MECOM: variants seen among roughly 807,000 people sequenced by gnomAD.
The protein encoded by MECOM is histone-lysine N-methyltransferase MECOM.
MECOM carries 13 observed loss-of-function variants against 116.3 expected under a neutral mutation model. That is an observed-to-expected ratio of 0.11 (90% CI 0.07 to 0.18). The LOEUF (loss-of-function observed/expected upper bound fraction) is 0.18. Ranked by LOEUF, MECOM falls within the 10% of genes least tolerant of loss-of-function variation. The pLI is 1.00. For synonymous variants in MECOM, 528 were observed against 535.2 expected, an observed-to-expected ratio of 0.99 and a Z score of 0.19; for missense variants, 1,299 against 1,509.0, an observed-to-expected ratio of 0.86 and a Z score of 2.31.
At position 169,471,526 on chromosome 3, in the gene MECOM, C is replaced by T. The variant is rs186704319; in HGVS notation, c.38-90002G>A. 1.2e-3 allele frequency among the ~76,000 whole-genome samples: 178 copies of T among 152,266 alleles called. 1 individual carries two copies. The highest frequency in any genetic ancestry group is 1.7e-3 in the African/African-American group (72 of 41,554). On this transcript the variant is annotated intron_variant, in intron 1 of 16. Transcript: ENST00000651503. ...AGTGAAACTTCTCAGAAAAGTCACACGCTCTTTGGGCTTTATATCCAGGAA... is the reference window on the plus strand; with the variant it reads ...AGTGAAACTTCTCAGAAAAGTCACATGCTCTTTGGGCTTTATATCCAGGAA...
At chr3:169,606,774 A>T (rs1768630723) in intron 1 of MECOM, among the ~76,000 whole-genome samples, 2 of 152,136 alleles carry the variant, frequency 1.3e-5, no homozygotes, top group African/African-American at 4.8e-5. Context: ...ACTACCATCC[A>T]TCTACTTTCC....
chr3:169,212,202 A>C (rs1750811972), intron 2 of MECOM, among the ~76,000 whole-genome samples: 1 of 151,926 alleles, frequency 6.6e-6, no homozygotes, highest in Non-Finnish European at 1.5e-5. Flanking sequence ...ACTTCTCAAA[A>C]TGATCGCTTA....
intron 2 of MECOM, among the ~76,000 whole-genome samples, chr3:169,372,816 T>A (rs1730367460): frequency 6.6e-6 from 1 of 151,892 alleles, no homozygotes; most frequent in Non-Finnish European, 1.5e-5. Flanking sequence ...TATTCCTACG[T>A]GACATGTAAA....
chr3:169,514,317 G>A (rs1007039903), intron 1 of MECOM, among the ~76,000 whole-genome samples: 1 of 151,878 alleles, frequency 6.6e-6, no homozygotes, highest in Non-Finnish European at 1.5e-5. Context: ...AAAAGAGAGA[G>A]AGAGACATCG....
At chr3:169,408,355 T>A (rs1297051393) in intron 1 of MECOM, among the ~76,000 whole-genome samples, 1 of 152,214 alleles carries the variant, frequency 6.6e-6, no homozygotes, top group Non-Finnish European at 1.5e-5. Context: ...ATAGGCAGGA[T>A]AATCAATCGA....
chr3:169,379,901 CT>C (rs1732111900), intron 2 of MECOM, among the ~76,000 whole-genome samples: 1 of 152,140 alleles, frequency 6.6e-6, no homozygotes. Flanking sequence ...TAAAAACTCT[CT>C]TATCAGTACA....
At chr3:169,215,016 C>T (rs903643897) in intron 2 of MECOM, among the ~76,000 whole-genome samples, 1 of 150,492 alleles carries the variant, frequency 6.6e-6, no homozygotes, top group African/African-American at 2.4e-5. Flanking sequence ...CCAGGCTTTT[C>T]TTATAGGGCT....
chr3:169,310,831 G>T (rs1369870784), intron 2 of MECOM, among the ~76,000 whole-genome samples: 2 of 152,150 alleles, frequency 1.3e-5, no homozygotes, highest in African/African-American at 2.4e-5. Flanking sequence ...CTCACAGCTT[G>T]TCTTCTTAAA....
intron 1 of MECOM, among the ~76,000 whole-genome samples, chr3:169,608,724 C>T (rs1434467061): frequency 1.3e-5 from 2 of 152,138 alleles, no homozygotes; most frequent in Non-Finnish European, 2.9e-5. Context: ...GGCTCACGTT[C>T]TGTTAAAGTA....
chr3:169,442,242 G>A (rs570053432), intron 1 of MECOM, among the ~76,000 whole-genome samples: 1 of 152,038 alleles, frequency 6.6e-6, no homozygotes, highest in Non-Finnish European at 1.5e-5. Context: ...TGTATTTTTA[G>A]TAGAGACGGG....
chr3:169,404,720 G>T (rs557162619), intron 1 of MECOM, among the ~76,000 whole-genome samples: 1 of 152,124 alleles, frequency 6.6e-6, no homozygotes, highest in Non-Finnish European at 1.5e-5. Flanking sequence ...TGGCCACCCC[G>T]CCGGCCTGGT....
chr3:169,312,077 C>CT (rs1718880991), intron 2 of MECOM, among the ~76,000 whole-genome samples: 1 of 152,100 alleles, frequency 6.6e-6, no homozygotes, highest in Admixed American at 6.5e-5. Context: ...GCATTTGACT[C>CT]TGAGTTGGGA....
chr3:169,166,626 T>C (rs1239414658), intron 2 of MECOM, among the ~76,000 whole-genome samples: 1 of 151,192 alleles, frequency 6.6e-6, no homozygotes, highest in Admixed American at 6.6e-5. Context: ...AATATTGTTA[T>C]TTACTGCAAA....
chr3:169,586,174 C>T (rs1765750287), intron 1 of MECOM, among the ~76,000 whole-genome samples: 1 of 152,158 alleles, frequency 6.6e-6, no homozygotes, highest in South Asian at 2.1e-4. Flanking sequence ...CATTTCTTTG[C>T]AAGTAAAGTA....
At chr3:169,341,844 A>G (rs1724598630) in intron 2 of MECOM, among the ~76,000 whole-genome samples, 1 of 152,154 alleles carries the variant, frequency 6.6e-6, no homozygotes, top group African/African-American at 2.4e-5. Context: ...AAAAGAGTGT[A>G]ATTGGATTGT....
At chr3:169,218,969 T>C (rs1553771077) in intron 2 of MECOM, among the ~76,000 whole-genome samples, 1 of 152,246 alleles carries the variant, frequency 6.6e-6, no homozygotes, top group South Asian at 2.1e-4. Context: ...TGTGTGTGTG[T>C]GTGCTGTCTC....
rs115047962 is a variant in MECOM at position 169,183,003 on chromosome 3, C to A, written c.376-39171G>T. Among the ~76,000 whole-genome samples the A allele has an allele frequency of 5.3e-3, 814 of 152,246 alleles. 4 individuals are homozygous for A. Among genetic ancestry groups the A allele is most frequent in the South Asian group, 0.021 (101 of 4,824 alleles). Reference sequence around the variant, plus strand: ...CCCTAGGTCCACAACTTCTTAGGTACGAGGCTTTGTGCGAGTTAATTAACC... The same window carrying A: ...CCCTAGGTCCACAACTTCTTAGGTAAGAGGCTTTGTGCGAGTTAATTAACC... On this transcript the variant is annotated intron_variant, in intron 2 of 16. Coordinates refer to ENST00000651503, the MANE Select transcript of MECOM (RefSeq NM_004991.4).
chr3:169,182,055 G>T (rs2149397955), intron 2 of MECOM, among the ~76,000 whole-genome samples: 1 of 152,262 alleles, frequency 6.6e-6, no homozygotes, highest in Admixed American at 6.5e-5. Context: ...TGAAGGATAG[G>T]AAGAGGAATT....
intron 3 of MECOM, among the ~76,000 whole-genome samples, chr3:169,141,586 T>G (rs1391158876): frequency 1.3e-5 from 2 of 152,004 alleles, no homozygotes; most frequent in Non-Finnish European, 2.9e-5. Flanking sequence ...ATTTCAAAGC[T>G]GTCTAGAATT....
Sources: gnomAD v4.1 joint callset for allele counts (sites outside exome capture counted in the v4.1 genomes callset) on GRCh38, gnomAD v4.1.1 for gene constraint, MANE v1.5 for transcripts, NCBI Gene and HGNC (gene_info 2026-07-23, HGNC 2026-07-21) for gene names.